MORF4L1: variants seen among roughly 807,000 people sequenced by gnomAD.
MORF4L1 encodes mortality factor 4 like 1.
A neutral mutation model predicts 52.9 loss-of-function variants in MORF4L1; 4 were observed. That is an observed-to-expected ratio of 0.08 (90% CI 0.04 to 0.17). The LOEUF (loss-of-function observed/expected upper bound fraction) is 0.17. Ranked by LOEUF, MORF4L1 falls within the 10% of genes least tolerant of loss-of-function variation. MORF4L1 has a pLI of 1.00. For synonymous variants in MORF4L1, 123 were observed against 134.8 expected, an observed-to-expected ratio of 0.91 and a Z score of 0.61; for missense variants, 214 against 390.4, an observed-to-expected ratio of 0.55 and a Z score of 3.81.
intron 1 of MORF4L1, among the ~76,000 whole-genome samples, chr15:78,874,842 G>A (rs1469871395): frequency 8.0e-6 from 1 of 125,240 alleles, no homozygotes; most frequent in East Asian, 3.0e-4. Context: ...TAGAGTCAGT[G>A]CATTAATTGA....
chr15:78,895,416 G>C (rs565559445), intron 11 of MORF4L1, among the ~76,000 whole-genome samples: 1 of 152,306 alleles, frequency 6.6e-6, no homozygotes, highest in South Asian at 2.1e-4. Flanking sequence ...AATGATGAAA[G>C]TATAAACTGT....
intron 5 of MORF4L1, among the ~76,000 whole-genome samples, chr15:78,889,583 T>C (rs1300136576): frequency 6.6e-6 from 1 of 152,184 alleles, no homozygotes; most frequent in Non-Finnish European, 1.5e-5. Context: ...AAGGATTGAG[T>C]GTGAAGACTA....
intron 3 of MORF4L1, among the ~76,000 whole-genome samples, chr15:78,883,138 C>T (rs1363464269): frequency 6.6e-6 from 1 of 151,476 alleles, no homozygotes; most frequent in Non-Finnish European, 1.5e-5. Context: ...TCGCTTGAAC[C>T]CAGGAGGCGA....
intron 1 of MORF4L1, among the ~76,000 whole-genome samples, chr15:78,873,403 A>C (rs1596234687): frequency 8.8e-6 from 1 of 113,558 alleles, no homozygotes; most frequent in South Asian, 3.0e-4. Flanking sequence ...GGTTAGGGGA[A>C]GTGATGTGGC....
At chr15:78,880,412 C>T in intron 2 of MORF4L1, 100 bp from the exon 3 acceptor site, 2 of 793,400 alleles carry the variant, frequency 2.5e-6, no homozygotes, top group Admixed American at 6.1e-5. Context: ...CTGTTTAGGC[C>T]ACCATAAAGC....
In MORF4L1 at chr15:78,886,927, C is replaced by G. The variant is rs1596247015; in HGVS notation, c.243-342C>G. Among the ~76,000 whole-genome samples the G allele has an allele frequency of 2.0e-5, 3 of 149,308 alleles. No homozygotes were observed. In the Admixed American group the frequency reaches 2.0e-4, roughly 10 times the overall value. ...CGGAGATCGCGCCACTGCAGTGTAG[C>G]CTGGGCAGCACAGTGAAACTCTGTC... is the stretch of plus-strand genomic sequence containing the variant. On this transcript the variant is annotated intron_variant, in intron 4 of 11. Transcript: ENST00000426013.
At chr15:78,892,373 A>T in intron 8 of MORF4L1, 60 bp downstream of exon 8, 1 of 1,202,372 alleles carries the variant, frequency 8.3e-7, no homozygotes, top group Non-Finnish European at 1.2e-6. Context: ...TAGCAAAAAA[A>T]GTTTTTAAAG....
intron 3 of MORF4L1, among the ~76,000 whole-genome samples, chr15:78,881,907 A>T (rs1458639434): frequency 1.3e-5 from 2 of 152,032 alleles, no homozygotes; most frequent in Admixed American, 1.3e-4. Context: ...CTATGGAAGG[A>T]GTTTATTTTT....
chr15:78,895,379 A>C (rs2141488203), intron 11 of MORF4L1, among the ~76,000 whole-genome samples: 1 of 152,372 alleles, frequency 6.6e-6, no homozygotes, highest in African/African-American at 2.4e-5. Context: ...TGGCAGCACA[A>C]AGGACCATTA....
chr15:78,896,230 C>T (rs896800191), intron 11 of MORF4L1, among the ~76,000 whole-genome samples: 3 of 152,062 alleles, frequency 2.0e-5, no homozygotes, highest in Non-Finnish European at 2.9e-5. Context: ...TGTGCCTCGG[C>T]CCCCCAAAGT....
At chr15:78,886,298 A>G (rs1193472545) in intron 4 of MORF4L1, 71 bp downstream of exon 4, 15 of 1,310,002 alleles carry the variant, frequency 1.1e-5, no homozygotes, top group East Asian at 2.3e-5. Context: ...GGAATGAACA[A>G]TGGAGATCAT....
intron 3 of MORF4L1, among the ~76,000 whole-genome samples, chr15:78,881,269 C>T (rs896298524): frequency 7.5e-6 from 1 of 134,008 alleles, no homozygotes; most frequent in Non-Finnish European, 1.5e-5. Flanking sequence ...GAGCTCGGCT[C>T]ACTGCAACCT....
At chr15:78,880,727 A>G (rs2056586089) in intron 3 of MORF4L1, 148 bp downstream of exon 3, 4 of 587,258 alleles carry the variant, frequency 6.8e-6, no homozygotes, top group Non-Finnish European at 1.2e-5. Flanking sequence ...TAGTATGACA[A>G]AACTATTAGA....
chr15:78,889,297 A>C (rs76022249), intron 5 of MORF4L1, among the ~76,000 whole-genome samples: 7,064 of 152,278 alleles, frequency 0.046, 636 homozygotes, highest in East Asian at 0.37. Flanking sequence ...TGGGTTGAAT[A>C]TCCCTTATCT....
At chr15:78,896,790 A>T (rs551738668) in intron 11 of MORF4L1, among the ~76,000 whole-genome samples, 193 bp from the exon 12 acceptor site, 1 of 152,186 alleles carries the variant, frequency 6.6e-6, no homozygotes, top group African/African-American at 2.4e-5. Context: ...TTGTATATGT[A>T]TAGTGTTGTT....
At position 78,880,826 on chromosome 15, in the gene MORF4L1, GTCAA is replaced by G. The variant is rs554755513; in HGVS notation, c.155+253_155+256del. 1.5e-4 allele frequency among the ~76,000 whole-genome samples: 22 copies of G among 149,960 alleles called. No homozygotes were observed. In the East Asian group the frequency reaches 2.3e-3, roughly 16 times the overall value. On this transcript the variant is annotated intron_variant, in intron 3 of 11. Coordinates refer to ENST00000426013, the MANE Select transcript of MORF4L1 (RefSeq NM_006791.4). Reference sequence around the variant, plus strand: ...TAGTGTAATATCTATTAGTCATATAGTCAATCAATTATTCTGGTTGAATGTGGCA... The same window carrying G: ...TAGTGTAATATCTATTAGTCATATAGTCAATTATTCTGGTTGAATGTGGCA...
intron 11 of MORF4L1, among the ~76,000 whole-genome samples, chr15:78,896,345 A>G (rs1429857304): frequency 6.3e-5 from 7 of 110,524 alleles, no homozygotes; most frequent in Non-Finnish European, 1.0e-4. Context: ...ATGGAGTTTC[A>G]CGCTTGTCCA....
At chr15:78,875,373 T>TA (rs1265662218) in intron 1 of MORF4L1, among the ~76,000 whole-genome samples, 1 of 152,142 alleles carries the variant, frequency 6.6e-6, no homozygotes, top group Non-Finnish European at 1.5e-5. Flanking sequence ...TATCCCCAGG[T>TA]AAGGGTTTGA....
intron 5 of MORF4L1, among the ~76,000 whole-genome samples, chr15:78,888,917 G>C (rs566197990): frequency 1.9e-4 from 29 of 151,276 alleles, no homozygotes; most frequent in African/African-American, 6.7e-4. Flanking sequence ...GAAAACTGTA[G>C]TGTAGTATTT....
Sources: allele counts gnomAD v4.1 joint callset (sites outside exome capture counted in the v4.1 genomes callset), GRCh38; gene constraint gnomAD v4.1.1; transcripts MANE v1.5; gene names NCBI Gene and HGNC (gene_info 2026-07-23, HGNC 2026-07-21).